NAALADL2: variants seen among roughly 807,000 people sequenced by gnomAD.
NAALADL2 encodes N-acetylated alpha-linked acidic dipeptidase like 2, also known as inactive N-acetylated-alpha-linked acidic dipeptidase-like protein 2.
In NAALADL2, 76 loss-of-function variants were observed where a neutral mutation model predicts 87.2. The ratio of observed to expected loss-of-function variants is 0.87; its 90% CI spans 0.72 to 1.05. The LOEUF (loss-of-function observed/expected upper bound fraction) is 1.05. NAALADL2 is among the 50% of genes least tolerant of loss of function. The pLI is 0.00. For synonymous variants in NAALADL2, 354 were observed against 331.0 expected (o/e 1.07, Z -0.75); for missense variants, 1,089 against 945.8 (o/e 1.15, Z -1.99).
chr3:174,599,887 G>C (rs1246393842), intron 2 of NAALADL2, among the ~76,000 whole-genome samples: 1 of 151,980 alleles, frequency 6.6e-6, no homozygotes, highest in Non-Finnish European at 1.5e-5. Flanking sequence ...ATTCTATCTG[G>C]CATCACTGGG....
intron 1 of NAALADL2, among the ~76,000 whole-genome samples, chr3:175,024,392 C>T (rs1175662968): frequency 3.9e-5 from 6 of 151,960 alleles, no homozygotes; most frequent in African/African-American, 9.7e-5. Context: ...GCAGCAGCTG[C>T]GAGTAGACTA....
At chr3:174,921,020 T>A (rs1267599773) in intron 1 of NAALADL2, among the ~76,000 whole-genome samples, 1 of 152,142 alleles carries the variant, frequency 6.6e-6, no homozygotes, top group Non-Finnish European at 1.5e-5. Context: ...ATAATTACAA[T>A]AGTAACATCA....
At chr3:175,142,472 T>C (rs1038130115) in intron 2 of NAALADL2, among the ~76,000 whole-genome samples, 3 of 152,032 alleles carry the variant, frequency 2.0e-5, no homozygotes, top group African/African-American at 7.2e-5. Flanking sequence ...ATTATCTTAA[T>C]TTTACAAATG....
intron 2 of NAALADL2, among the ~76,000 whole-genome samples, chr3:175,189,006 C>G (rs6763262): frequency 6.6e-5 from 10 of 152,124 alleles, no homozygotes; most frequent in African/African-American, 2.4e-4. Flanking sequence ...GGGGATGAGC[C>G]TCAGAGTCAC....
At chr3:175,700,849 T>C (rs1295608142) in intron 11 of NAALADL2, among the ~76,000 whole-genome samples, 1 of 152,050 alleles carries the variant, frequency 6.6e-6, no homozygotes, top group Non-Finnish European at 1.5e-5. Flanking sequence ...TGGAAAAAAA[T>C]CCCATCAGTC....
intron 4 of NAALADL2, among the ~76,000 whole-genome samples, chr3:175,286,210 G>T (rs1214360242): frequency 6.6e-6 from 1 of 152,152 alleles, no homozygotes; most frequent in Non-Finnish European, 1.5e-5. Context: ...GGTGGAAAAT[G>T]CTATGGCAGT....
chr3:174,834,710 A>G (rs916475446), intron 3 of NAALADL2, among the ~76,000 whole-genome samples: 5 of 152,036 alleles, frequency 3.3e-5, no homozygotes, highest in African/African-American at 1.2e-4. Flanking sequence ...TCATTCAGTC[A>G]TAGAATGCTT....
intron 2 of NAALADL2, among the ~76,000 whole-genome samples, chr3:174,675,345 C>T (rs1283793034): frequency 6.6e-6 from 1 of 152,004 alleles, no homozygotes; most frequent in South Asian, 2.1e-4. Context: ...GAATTGCCAC[C>T]CTCTGCTTTA....
At chr3:174,506,442 A>G (rs572344137) in intron 1 of NAALADL2, among the ~76,000 whole-genome samples, 46 of 152,054 alleles carry the variant, frequency 3.0e-4, no homozygotes, top group African/African-American at 1.0e-3. Context: ...CCGCCTCCCA[A>G]AGTGCTAGGA....
intron 11 of NAALADL2, among the ~76,000 whole-genome samples, chr3:175,729,305 G>C (rs531756447): frequency 1.1e-4 from 17 of 152,190 alleles, no homozygotes; most frequent in African/African-American, 3.4e-4. Flanking sequence ...ATAGCTACTA[G>C]TTAGGACGGT....
intron 5 of NAALADL2, among the ~76,000 whole-genome samples, chr3:175,349,234 G>A (rs1039133444): frequency 6.8e-6 from 1 of 147,382 alleles, no homozygotes; most frequent in Non-Finnish European, 1.5e-5. Flanking sequence ...GATGTCCAGT[G>A]TAATCCTAGC....
At chr3:174,510,189 T>C (rs2108388970) in intron 1 of NAALADL2, among the ~76,000 whole-genome samples, 1 of 152,278 alleles carries the variant, frequency 6.6e-6, no homozygotes, top group African/African-American at 2.4e-5. Flanking sequence ...TACTGATTTG[T>C]AGTTTTCCTT....
rs372321787 is a variant in NAALADL2, at chr3:175,467,135, C to T, written c.1484C>T (p.Ser495Phe). Residue 495 changes from serine (S) to phenylalanine (F), a missense_variant, in exon 8 of 14, where the codon TCT (serine) becomes TTT (phenylalanine). Coordinates refer to ENST00000454872, the MANE Select transcript of NAALADL2 (RefSeq NM_207015.3). ...WRPDRTIVFC[S>F]WGGTAFGNIG... is the part of the protein sequence containing the mutation. ...CCAGACCGAACTATTGTTTTCTGTT[C>T]TTGGGGAGGAACAGCTTTTGGCAAT... The T allele has an allele frequency of 8.1e-6, 13 of 1,613,630 alleles. No homozygotes were observed. The East Asian group carries it at 2.7e-4, about 33-fold the overall frequency.
intron 2 of NAALADL2, among the ~76,000 whole-genome samples, chr3:175,178,635 T>C (rs1736022750): frequency 6.6e-6 from 1 of 152,018 alleles, no homozygotes; most frequent in Non-Finnish European, 1.5e-5. Flanking sequence ...TCTAGAGGGC[T>C]GGTAGAAACA....
intron 3 of NAALADL2, among the ~76,000 whole-genome samples, chr3:175,254,081 A>T (rs1293872035): frequency 1.3e-5 from 2 of 152,190 alleles, no homozygotes; most frequent in Non-Finnish European, 2.9e-5. Flanking sequence ...GAGATAATTG[A>T]CACCAATTTT....
At chr3:175,603,550 G>A (rs779176197) in intron 10 of NAALADL2, among the ~76,000 whole-genome samples, 4 of 152,104 alleles carry the variant, frequency 2.6e-5, no homozygotes, top group Admixed American at 1.3e-4. Flanking sequence ...GGTACCTCAT[G>A]TAAGTGGATT....
chr3:175,414,212 CA>C (rs1689472029), intron 5 of NAALADL2, among the ~76,000 whole-genome samples: 1 of 152,162 alleles, frequency 6.6e-6, no homozygotes, highest in Admixed American at 6.5e-5. Flanking sequence ...GCCTGCTGAC[CA>C]GTCATAGATT....
At chr3:174,536,933 G>A (rs112380618) in intron 1 of NAALADL2, among the ~76,000 whole-genome samples, 31 of 152,124 alleles carry the variant, frequency 2.0e-4, no homozygotes, top group African/African-American at 7.5e-4. Context: ...TAACAATAAT[G>A]CAAATAACAA....
intron 11 of NAALADL2, among the ~76,000 whole-genome samples, chr3:175,706,833 G>A (rs553406169): frequency 1.3e-5 from 2 of 152,090 alleles, no homozygotes; most frequent in African/African-American, 4.8e-5. Flanking sequence ...CACAGATCTT[G>A]GACACTCAAG....
Sources: gnomAD v4.1 joint callset for allele counts (sites outside exome capture counted in the v4.1 genomes callset) on GRCh38, gnomAD v4.1.1 for gene constraint, MANE v1.5 for transcripts, NCBI Gene and HGNC (gene_info 2026-07-23, HGNC 2026-07-21) for gene names.